The following TPRG1 variants were observed in gnomAD, a reference collection of about 807,000 sequenced individuals.
The protein encoded by TPRG1 is tumor protein p63-regulated gene 1 protein.
Under a neutral mutation model 29.3 loss-of-function variants are expected in TPRG1, and 29 were observed. The ratio of observed to expected loss-of-function variants is 0.99; its 90% confidence interval spans 0.74 to 1.35. TPRG1 has a LOEUF of 1.35. Ranked by LOEUF, TPRG1 falls within the 40% of genes most tolerant of loss-of-function variation. The pLI is 0.00. For missense variants in TPRG1, 327 were observed against 335.0 expected, an observed-to-expected ratio of 0.98 and a Z score of 0.19; for synonymous variants, 130 against 116.8, an observed-to-expected ratio of 1.11 and a Z score of -0.73.
intron 4 of TPRG1, among the ~76,000 whole-genome samples, chr3:189,084,083 G>A (rs1380281190): frequency 6.6e-6 from 1 of 152,016 alleles, no homozygotes; most frequent in Non-Finnish European, 1.5e-5. Flanking sequence ...CCTGGGAGGC[G>A]GAGGTTGCAG....
At chr3:189,191,292 A>G (rs377241832) in intron 1 of TPRG1, among the ~76,000 whole-genome samples, 22 of 152,268 alleles carry the variant, frequency 1.4e-4, no homozygotes, top group African/African-American at 5.3e-4. Flanking sequence ...TTTAATTTTC[A>G]TTCTTTAGCA....
chr3:189,077,232 T>C (rs923494166), intron 4 of TPRG1, among the ~76,000 whole-genome samples: 4 of 152,144 alleles, frequency 2.6e-5, no homozygotes, highest in Non-Finnish European at 5.9e-5. Context: ...GCAATGTTTA[T>C]GGTATATTAT....
chr3:189,072,720 T>C (rs894730086), intron 4 of TPRG1, among the ~76,000 whole-genome samples: 5 of 152,196 alleles, frequency 3.3e-5, no homozygotes, highest in Non-Finnish European at 5.9e-5. Flanking sequence ...CCAAGATCCA[T>C]TGGTTGTTTC....
intron 4 of TPRG1, among the ~76,000 whole-genome samples, chr3:189,039,168 C>T (rs1473596799): frequency 6.6e-6 from 1 of 152,188 alleles, no homozygotes. Context: ...AATAGCATTA[C>T]AGTTTGGGTA....
At position 189,258,781 on chromosome 3, in the gene TPRG1, C is replaced by T. The variant is rs142838753; in HGVS notation, c.479+19872C>T. ...AGTGGGCTCCATCCAGTCCGAACTT[C>T]CCAGTGGCTTTGTTTACACTGTGAG... is the stretch of plus-strand genomic sequence containing the variant. On this transcript the variant is annotated intron_variant, in intron 4 of 5. Transcript: ENST00000345063. 6.0e-3 allele frequency among the ~76,000 whole-genome samples: 916 copies of T among 152,292 alleles called. 3 individuals carry two copies. The highest frequency in any genetic ancestry group is 0.011 in the Non-Finnish European group (732 of 68,022).
At chr3:189,212,601 C>A (rs1241705562) in intron 2 of TPRG1, among the ~76,000 whole-genome samples, 3 of 151,900 alleles carry the variant, frequency 2.0e-5, no homozygotes. Context: ...AGAGGACTAA[C>A]CACAATGAGA....
At chr3:189,101,012 G>T (rs1719131714) in intron 1 of TPRG1, among the ~76,000 whole-genome samples, 1 of 152,188 alleles carries the variant, frequency 6.6e-6, no homozygotes, top group African/African-American at 2.4e-5. Flanking sequence ...AAATTTGAAG[G>T]CCATGCACTC....
At chr3:189,282,661 G>A (rs1345168155) in intron 4 of TPRG1, among the ~76,000 whole-genome samples, 4 of 151,894 alleles carry the variant, frequency 2.6e-5, no homozygotes, top group Admixed American at 2.6e-4. Flanking sequence ...AATGCCTTGG[G>A]CATTTCAAGA....
rs577026262 is a variant in TPRG1 at position 189,126,082 on chromosome 3, T to C, written c.-743-975T>C. ...GGGCTCTTTTCCTGAGTTCACAGCATCATTATAGATAATAAAAATCCTGGA... is the reference window on the plus strand; with the variant it reads ...GGGCTCTTTTCCTGAGTTCACAGCACCATTATAGATAATAAAAATCCTGGA... On this transcript the variant is annotated intron_variant, in intron 1 of 6. Transcript: ENST00000412373. 9.7e-4 allele frequency among the ~76,000 whole-genome samples: 148 copies of C among 152,202 alleles called. 1 individual carries two copies. The highest frequency in any genetic ancestry group is 2.5e-3 in the South Asian group (12 of 4,822).
chr3:189,153,220 C>A (rs1578562249), intron 5 of TPRG1, among the ~76,000 whole-genome samples: 1 of 152,126 alleles, frequency 6.6e-6, no homozygotes, highest in Non-Finnish European at 1.5e-5. Context: ...CTGGCTAGTA[C>A]TTTTTTAAAT....
intron 4 of TPRG1, among the ~76,000 whole-genome samples, chr3:189,286,993 C>T (rs1001198155): frequency 3.9e-5 from 6 of 152,044 alleles, no homozygotes; most frequent in Admixed American, 3.9e-4. Flanking sequence ...GAGGCTTATA[C>T]AGTTGTTGAT....
At chr3:189,121,017 A>G (rs1248847161) in intron 1 of TPRG1, among the ~76,000 whole-genome samples, 2 of 152,246 alleles carry the variant, frequency 1.3e-5, no homozygotes, top group African/African-American at 4.8e-5. Flanking sequence ...ACGCAGTACT[A>G]CATTGAGCAA....
intron 1 of TPRG1, among the ~76,000 whole-genome samples, chr3:189,193,462 A>G (rs1238245665): frequency 6.6e-6 from 1 of 152,000 alleles, no homozygotes; most frequent in African/African-American, 2.4e-5. Flanking sequence ...CTCTCCCCAG[A>G]CTTGGGAAGC....
intron 4 of TPRG1, among the ~76,000 whole-genome samples, chr3:189,042,966 G>A (rs1032717680): frequency 1.6e-4 from 25 of 152,030 alleles, no homozygotes; most frequent in African/African-American, 7.2e-5. Context: ...GAGTAAGCCC[G>A]GTGCCTGTCA....
Position 189,275,942 on chromosome 3 carries a change from C to T in TPRG1, c.480-34444C>T, listed in dbSNP as rs1716064561. On this transcript the variant is annotated intron_variant, in intron 4 of 5. Transcript: ENST00000345063. Reference sequence around the variant, plus strand: ...GAAGAGAGGCAAATACAATAATTTTCATAAGTATTGTAGGGATATCTTGTT... The same window carrying T: ...GAAGAGAGGCAAATACAATAATTTTTATAAGTATTGTAGGGATATCTTGTT... 2.0e-5 allele frequency among the ~76,000 whole-genome samples: 3 copies of T among 152,152 alleles called. 1 individual carries two copies. In the East Asian group the frequency reaches 5.8e-4, roughly 30 times the overall value.
chr3:189,190,442 C>T (rs113807692), intron 1 of TPRG1, among the ~76,000 whole-genome samples: 3 of 152,236 alleles, frequency 2.0e-5, no homozygotes, highest in Non-Finnish European at 2.9e-5. Flanking sequence ...TGTCACCCCC[C>T]ACATCTTGCC....
chr3:189,151,199 C>T (rs1477804887), intron 5 of TPRG1: 2 of 145,420 alleles, frequency 1.4e-5, no homozygotes, highest in African/African-American at 5.3e-5. Flanking sequence ...AACCCACCTC[C>T]AAAGTGGGTC....
intron 2 of TPRG1, among the ~76,000 whole-genome samples, chr3:189,129,543 T>TG (rs1722874012): frequency 6.6e-6 from 1 of 152,236 alleles, no homozygotes. Flanking sequence ...AAAAATATGC[T>TG]GTTTATACTT....
Position 189,238,738 on chromosome 3 carries a change from A to G in TPRG1, c.308A>G (p.Asp103Gly). 1 of 1,610,750 alleles carries G rather than the reference A, an allele frequency of 6.2e-7. No individual in the cohort carries two copies. Among genetic ancestry groups the G allele is most frequent in the Admixed American group, 1.7e-5 (1 of 59,740 alleles). ...IQGFWLLTKIDHWNNEKERIL... is the reference protein window; with the variant it reads ...IQGFWLLTKIGHWNNEKERIL... ...TGCTATGATGATTCCTATAGGATAG[A>G]CCACTGGAACAATGAGAAGGAGAGA... Residue 103 changes from aspartate to glycine, a missense_variant, in exon 4 of 6, where the codon GAC (aspartate) becomes GGC (glycine). Physicochemically the swap from Asp to Gly is moderately conservative, Grantham distance 94. Coordinates refer to ENST00000345063, the MANE Select transcript of TPRG1 (RefSeq NM_198485.4).
Sources: allele counts gnomAD v4.1 joint callset (sites outside exome capture counted in the v4.1 genomes callset), GRCh38; gene constraint gnomAD v4.1.1; transcripts MANE v1.5; gene names NCBI Gene and HGNC (gene_info 2026-07-23, HGNC 2026-07-21).